The following WDFY4 variants were observed in gnomAD, a reference collection of about 807,000 sequenced individuals.
WDFY4 encodes the protein WDFY family member 4.
Under a neutral mutation model 351.9 loss-of-function variants are expected in WDFY4, and 169 were observed. That is an observed-to-expected ratio of 0.48 (90% CI 0.42 to 0.55). The LOEUF is 0.55. WDFY4 is among the 20% of genes least tolerant of loss of function. WDFY4 has a pLI of 0.00. For missense variants in WDFY4, 3,803 were observed against 3,935.6 expected, an observed-to-expected ratio of 0.97 and a Z score of 0.90; for synonymous variants, 1,622 against 1,574.6, an observed-to-expected ratio of 1.03 and a Z score of -0.71.
intron 11 of WDFY4, chr10:48,736,315 C>A: frequency 3.3e-6 from 2 of 609,990 alleles, no homozygotes; most frequent in Non-Finnish European, 5.8e-6. Context: ...AAGGAACTAC[C>A]ATCACCTGGG....
At chr10:48,768,693 A>G (rs1009289061) in intron 13 of WDFY4, among the ~76,000 whole-genome samples, 3 of 142,630 alleles carry the variant, frequency 2.1e-5, no homozygotes, top group Non-Finnish European at 4.6e-5. Flanking sequence ...TCGAGCAGCC[A>G]CCCACGGTGT....
intron 25 of WDFY4, among the ~76,000 whole-genome samples, chr10:48,803,760 G>A (rs1414829435): frequency 6.6e-6 from 1 of 152,094 alleles, no homozygotes; most frequent in Non-Finnish European, 1.5e-5. Context: ...AAGGGAGGAG[G>A]GAAAAAAGAA....
At chr10:48,805,965 C>T (rs764060267) in intron 26 of WDFY4, 39 bp from the exon 27 acceptor site, 1 of 1,532,508 alleles carries the variant, frequency 6.5e-7, no homozygotes, top group South Asian at 1.2e-5. Context: ...CTCAGTTGAG[C>T]CCGCCTGCGA....
chr10:48,802,662 C>T (rs999537518), intron 24 of WDFY4: 1 of 470,450 alleles, frequency 2.1e-6, no homozygotes, highest in African/African-American at 2.0e-5. Context: ...ATGAAAACAA[C>T]CTGAGTGATC....
chr10:48,975,430 A>G (rs1011568650), intron 58 of WDFY4, among the ~76,000 whole-genome samples: 2 of 152,158 alleles, frequency 1.3e-5, no homozygotes, highest in African/African-American at 4.8e-5. Flanking sequence ...CTCTCCTTCC[A>G]TACTGGCTAA....
intron 47 of WDFY4, among the ~76,000 whole-genome samples, chr10:48,926,853 A>T (rs1309180227): frequency 6.6e-6 from 1 of 152,236 alleles, no homozygotes; most frequent in Non-Finnish European, 1.5e-5. Flanking sequence ...TGTGTCCCCA[A>T]GTAGGTGGCA....
chr10:48,790,088 G>A, intron 22 of WDFY4, 103 bp downstream of exon 22: 1 of 1,180,168 alleles, frequency 8.5e-7, no homozygotes, highest in East Asian at 2.6e-5. Flanking sequence ...GATGGAGTGT[G>A]CCAGGGAACC....
intron 23 of WDFY4, among the ~76,000 whole-genome samples, chr10:48,791,325 G>A (rs910702179): frequency 4.6e-5 from 7 of 152,204 alleles, no homozygotes; most frequent in African/African-American, 1.7e-4. Context: ...TTCCCCACCT[G>A]TAAGATATGG....
At chr10:48,719,176 A>T (rs7069023) in intron 2 of WDFY4, among the ~76,000 whole-genome samples, 1 of 152,034 alleles carries the variant, frequency 6.6e-6, no homozygotes, top group Non-Finnish European at 1.5e-5. Context: ...AAATAACTGC[A>T]GTTATATTAT....
At chr10:48,787,812 CTTCT>C (rs1565197586) in intron 20 of WDFY4, among the ~76,000 whole-genome samples, 2,626 of 112,600 alleles carry the variant, frequency 0.023, 243 homozygotes, top group African/African-American at 0.039. Context: ...TCCTCCTCTT[CTTCT>C]TCTTCTTCTT....
At chr10:48,941,270 GT>G (rs1840743658) in intron 47 of WDFY4, among the ~76,000 whole-genome samples, 1 of 152,134 alleles carries the variant, frequency 6.6e-6, no homozygotes, top group Admixed American at 6.5e-5. Flanking sequence ...TATGATTGAA[GT>G]TTTTTAGAAA....
chr10:48,951,654 C>T (rs1013510994), intron 51 of WDFY4, among the ~76,000 whole-genome samples: 1 of 152,156 alleles, frequency 6.6e-6, no homozygotes, highest in Non-Finnish European at 1.5e-5. Context: ...TTTGTAAAGA[C>T]GGGGTCTTAT....
At chr10:48,808,159 T>C (rs1397905741) in intron 28 of WDFY4, among the ~76,000 whole-genome samples, 3 of 152,228 alleles carry the variant, frequency 2.0e-5, no homozygotes, top group Non-Finnish European at 4.4e-5. Flanking sequence ...AAATGTTAAG[T>C]GGACATGAGT....
chr10:48,725,807 T>C, intron 5 of WDFY4, 74 bp from the exon 6 acceptor site: 2 of 1,398,438 alleles, frequency 1.4e-6, no homozygotes, highest in South Asian at 1.3e-5. Context: ...TCCAGAGAAG[T>C]AGGGAACAAA....
chr10:48,929,079 G>A (rs1839824880), intron 47 of WDFY4, among the ~76,000 whole-genome samples: 1 of 152,208 alleles, frequency 6.6e-6, no homozygotes, highest in African/African-American at 2.4e-5. Flanking sequence ...TTTAGAAAGG[G>A]GGAGGCCAGG....
intron 53 of WDFY4, among the ~76,000 whole-genome samples, chr10:48,960,235 G>A (rs1200848830): frequency 6.6e-6 from 1 of 152,222 alleles, no homozygotes; most frequent in Non-Finnish European, 1.5e-5. Flanking sequence ...CAAAAAACTG[G>A]ACATGGGTAG....
intron 19 of WDFY4, among the ~76,000 whole-genome samples, chr10:48,783,267 G>A (rs1027719802): frequency 5.3e-5 from 8 of 152,016 alleles, no homozygotes; most frequent in African/African-American, 1.7e-4. Flanking sequence ...GCTTAACTAA[G>A]CTCTAGATGA....
chr10:48,740,361 C>T (rs2064814015), intron 11 of WDFY4, among the ~76,000 whole-genome samples: 1 of 152,194 alleles, frequency 6.6e-6, no homozygotes, highest in African/African-American at 2.4e-5. Flanking sequence ...CCAACTCAAC[C>T]ATAAAAATAA....
intron 47 of WDFY4, chr10:48,909,915 G>C (rs527605711): frequency 9.3e-6 from 3 of 321,568 alleles, no homozygotes; most frequent in Admixed American, 8.8e-5. Context: ...GAAATGTAGA[G>C]GCAGTAAGCC....
Sources: gnomAD v4.1 joint callset for allele counts (sites outside exome capture counted in the v4.1 genomes callset) on GRCh38, gnomAD v4.1.1 for gene constraint, MANE v1.5 for transcripts, NCBI Gene and HGNC (gene_info 2026-07-23, HGNC 2026-07-21) for gene names.